Variants in PPARGC1A observed in about 807,000 individuals in gnomAD.
The protein encoded by PPARGC1A is PPARG coactivator 1 alpha.
A neutral mutation model predicts 88.7 loss-of-function variants in PPARGC1A; 25 were observed. The observed-to-expected ratio is 0.28, with a 90% confidence interval of 0.21 to 0.39. The LOEUF is 0.39. Ranked by LOEUF, PPARGC1A falls within the 10% of genes least tolerant of loss-of-function variation. PPARGC1A has a pLI of 1.00. For synonymous variants in PPARGC1A, 363 were observed against 355.6 expected, an observed-to-expected ratio of 1.02 and a Z score of -0.24; for missense variants, 880 against 968.7, an observed-to-expected ratio of 0.91 and a Z score of 1.22.
At chr4:24,042,223 T>C in the PPARGC1A span, among the ~76,000 whole-genome samples, 1 of 152,188 alleles carries the variant, frequency 6.6e-6, no homozygotes, top group Non-Finnish European at 1.5e-5. Flanking sequence ...GATGCCAATA[T>C]GTATTCAGCT....
the PPARGC1A span, among the ~76,000 whole-genome samples, chr4:23,959,029 A>T: frequency 6.6e-6 from 1 of 152,096 alleles, no homozygotes; most frequent in Non-Finnish European, 1.5e-5. Flanking sequence ...AAAAAAAAAA[A>T]AAAAGAGCGA....
the PPARGC1A span, among the ~76,000 whole-genome samples, chr4:24,276,533 C>T: frequency 4.6e-5 from 7 of 152,148 alleles, no homozygotes; most frequent in Non-Finnish European, 1.0e-4. Flanking sequence ...CCAGGTTATT[C>T]TTCAAAGTTT....
the PPARGC1A span, among the ~76,000 whole-genome samples, chr4:24,017,293 C>T: frequency 2.6e-5 from 4 of 152,028 alleles, no homozygotes; most frequent in African/African-American, 9.7e-5. Context: ...AACAGTAGAA[C>T]AGAAAATATG....
the PPARGC1A span, among the ~76,000 whole-genome samples, chr4:24,194,956 A>T: frequency 1.3e-5 from 2 of 152,206 alleles, no homozygotes; most frequent in Non-Finnish European, 2.9e-5. Flanking sequence ...TGCCCAGTAT[A>T]AATCCTGGCT....
chr4:24,465,911 G>A, the PPARGC1A span, among the ~76,000 whole-genome samples: 69 of 152,114 alleles, frequency 4.5e-4, no homozygotes, highest in Non-Finnish European at 6.5e-4. Flanking sequence ...AAAGTGACAC[G>A]GATTAGCTCA....
chr4:24,022,383 G>A, the PPARGC1A span, among the ~76,000 whole-genome samples: 2 of 151,652 alleles, frequency 1.3e-5, no homozygotes, highest in Admixed American at 6.6e-5. Flanking sequence ...TTCCCATAGC[G>A]CTCACTGCCT....
At chr4:24,331,162 C>T in the PPARGC1A span, among the ~76,000 whole-genome samples, 1 of 152,194 alleles carries the variant, frequency 6.6e-6, no homozygotes, top group Non-Finnish European at 1.5e-5. Context: ...AAACCTTGCC[C>T]ATCCCCACTT....
At chr4:24,089,480 T>TTTTTCTTTTCTTTTC in the PPARGC1A span, among the ~76,000 whole-genome samples, 233 of 128,798 alleles carry the variant, frequency 1.8e-3, 3 homozygotes, top group Non-Finnish European at 2.8e-3. Context: ...CTAGGATGCC[T>TTTTTCTTTTCTTTTC]TTTTCTTTTC....
the PPARGC1A span, among the ~76,000 whole-genome samples, chr4:23,988,781 C>T: frequency 1.3e-5 from 2 of 150,122 alleles, no homozygotes; most frequent in African/African-American, 2.4e-5. Context: ...TAAATCTATG[C>T]ACACTTAGAG....
At chr4:24,421,572 A>G in the PPARGC1A span, among the ~76,000 whole-genome samples, 3 of 152,062 alleles carry the variant, frequency 2.0e-5, no homozygotes, top group Non-Finnish European at 4.4e-5. Flanking sequence ...CCGCCTCCCA[A>G]AGTGCTGGGA....
At chr4:24,101,316 C>T in the PPARGC1A span, among the ~76,000 whole-genome samples, 1 of 152,206 alleles carries the variant, frequency 6.6e-6, no homozygotes, top group African/African-American at 2.4e-5. Context: ...TTGTACGTTT[C>T]CTGAGGTCTC....
At chr4:24,096,926 T>C in the PPARGC1A span, among the ~76,000 whole-genome samples, 2 of 152,178 alleles carry the variant, frequency 1.3e-5, no homozygotes, top group African/African-American at 2.4e-5. Flanking sequence ...TTCCTTTAGC[T>C]TATAGAATAA....
In PPARGC1A at chr4:23,802,282, C is replaced by T; in HGVS notation, c.2083G>A (p.Asp695Asn). ...ATTTCACCAAAAACTTCAAAACGGTCCCTCAGTTCTGTCCGTGTTGTGTCA... is the reference window on the plus strand; with the variant it reads ...ATTTCACCAAAAACTTCAAAACGGTTCCTCAGTTCTGTCCGTGTTGTGTCA... ...RPDTTRTELR[D>N]RFEVFGEIEE... is the part of the protein sequence containing the mutation. Residue 695 changes from aspartate to asparagine, a missense_variant, in exon 11 of 13, where the codon GAC (aspartate) becomes AAC (asparagine). By Grantham distance (23) the Asp-to-Asn change is conservative. Transcript: ENST00000264867. 1 of 1,613,808 alleles carries T rather than the reference C, an allele frequency of 6.2e-7. No homozygotes were observed. The highest frequency in any genetic ancestry group is 2.2e-5 in the East Asian group (1 of 44,832).
the PPARGC1A span, among the ~76,000 whole-genome samples, chr4:23,945,482 A>C: frequency 6.6e-6 from 1 of 152,316 alleles, no homozygotes; most frequent in Non-Finnish European, 1.5e-5. Flanking sequence ...AAGCAATAGA[A>C]GAGATGCCTT....
At chr4:24,219,557 T>C in the PPARGC1A span, among the ~76,000 whole-genome samples, 2 of 152,306 alleles carry the variant, frequency 1.3e-5, no homozygotes, top group East Asian at 1.9e-4. Context: ...CAGTTAACAA[T>C]TGATCAATCA....
At chr4:23,806,444 TGAAAG>T (rs1469407716) in intron 10 of PPARGC1A, among the ~76,000 whole-genome samples, 7 of 152,118 alleles carry the variant, frequency 4.6e-5, no homozygotes, top group African/African-American at 1.2e-4. Context: ...AAACAGGAGA[TGAAAG>T]GAAAAGAAAT....
chr4:24,132,335 CTCTT>C, the PPARGC1A span, among the ~76,000 whole-genome samples: 1,425 of 152,210 alleles, frequency 9.4e-3, 23 homozygotes, highest in African/African-American at 0.033. Context: ...ATTATCAACC[CTCTT>C]TCTGTTTTGT....
chr4:23,923,381 T>C, the PPARGC1A span, among the ~76,000 whole-genome samples: 1 of 152,246 alleles, frequency 6.6e-6, no homozygotes, highest in African/African-American at 2.4e-5. Context: ...GTTCACGTGC[T>C]CAATCACTGA....
the PPARGC1A span, among the ~76,000 whole-genome samples, chr4:24,148,634 A>G: frequency 7.0e-4 from 107 of 152,344 alleles, no homozygotes; most frequent in African/African-American, 2.5e-3. Flanking sequence ...AACTAAACAG[A>G]ACAACTAATG....
Sources: gnomAD v4.1 joint callset for allele counts (sites outside exome capture counted in the v4.1 genomes callset) on GRCh38, gnomAD v4.1.1 for gene constraint, MANE v1.5 for transcripts, NCBI Gene and HGNC (gene_info 2026-07-23, HGNC 2026-07-21) for gene names.